Variants in VEPH1 observed in about 807,000 individuals in gnomAD.
VEPH1 encodes the protein ventricular zone expressed PH domain containing 1.
A neutral mutation model predicts 85.2 loss-of-function variants in VEPH1; 80 were observed. The observed-to-expected ratio is 0.94, with a 90% CI of 0.78 to 1.13. The LOEUF is 1.13. Ranked by LOEUF, VEPH1 falls within the 50% of genes most tolerant of loss-of-function variation. The pLI, the probability that VEPH1 is intolerant of heterozygous loss-of-function variation, is 0.00. For synonymous variants in VEPH1, 297 were observed against 348.0 expected (o/e 0.85, Z 1.63); for missense variants, 955 against 980.5 (o/e 0.97, Z 0.35).
In VEPH1 at chr3:157,261,008, G is replaced by A; in HGVS notation, c.*126C>T. ...CCATTTTAGGCCCTTCTTCTTAAAG[G>A]ACAACAATTCCATTGGTATTTAGTA... is the stretch of plus-strand genomic sequence containing the variant. On this transcript the variant is annotated 3_prime_UTR_variant, in exon 14 of 14. Transcript: ENST00000362010. 2.2e-6 allele frequency: 3 copies of A among 1,349,072 alleles called. No homozygotes were observed. The highest frequency in any genetic ancestry group is 1.4e-5 in the South Asian group (1 of 70,692). 83.6% of individuals were successfully genotyped at this position (1,349,072 alleles called of 1,614,324 possible). A position where few individuals can be genotyped will look rare whatever the true frequency, so the allele number is the denominator to read the frequency against.
chr3:157,446,200 A>C (rs1256791316), intron 4 of VEPH1, among the ~76,000 whole-genome samples: 1 of 151,582 alleles, frequency 6.6e-6, no homozygotes, highest in Non-Finnish European at 1.5e-5. Flanking sequence ...ATACATATAA[A>C]TAATATTATT....
intron 6 of VEPH1, among the ~76,000 whole-genome samples, chr3:157,387,958 A>G (rs745558234): frequency 2.6e-5 from 4 of 152,176 alleles, no homozygotes; most frequent in Non-Finnish European, 5.9e-5. Flanking sequence ...TTGGCCCTAT[A>G]ATCCACATTT....
chr3:157,355,711 T>C (rs922434964), intron 9 of VEPH1, among the ~76,000 whole-genome samples: 8 of 152,182 alleles, frequency 5.3e-5, no homozygotes, highest in African/African-American at 1.4e-4. Flanking sequence ...ACTACAGGGT[T>C]TTATATGAGA....
intron 5 of VEPH1, among the ~76,000 whole-genome samples, chr3:157,419,502 G>T (rs1418372752): frequency 6.6e-6 from 1 of 152,108 alleles, no homozygotes. Context: ...CCATTAAGAA[G>T]TGGGCAAAGA....
chr3:157,436,081 A>C (rs1424566602), intron 4 of VEPH1, among the ~76,000 whole-genome samples: 1 of 152,182 alleles, frequency 6.6e-6, no homozygotes, highest in Non-Finnish European at 1.5e-5. Context: ...GTTCGAGACC[A>C]GCCTGGCTAA....
At chr3:157,328,986 C>T (rs1313024044) in intron 9 of VEPH1, among the ~76,000 whole-genome samples, 2 of 152,146 alleles carry the variant, frequency 1.3e-5, no homozygotes, top group Non-Finnish European at 2.9e-5. Context: ...CAAATCTAGA[C>T]TGTTTGACTC....
chr3:157,487,387 A>G (rs953711524), intron 2 of VEPH1, among the ~76,000 whole-genome samples: 1 of 152,144 alleles, frequency 6.6e-6, no homozygotes, highest in Non-Finnish European at 1.5e-5. Context: ...AAAGTGACTG[A>G]AGCAAAATTC....
At chr3:157,424,874 G>A (rs1029161500) in intron 5 of VEPH1, among the ~76,000 whole-genome samples, 1 of 152,218 alleles carries the variant, frequency 6.6e-6, no homozygotes, top group East Asian at 1.9e-4. Flanking sequence ...CCCATTTTCT[G>A]AGGAGAAATT....
chr3:157,336,192 T>C (rs1348788662), intron 9 of VEPH1, among the ~76,000 whole-genome samples: 1 of 152,250 alleles, frequency 6.6e-6, no homozygotes, highest in Non-Finnish European at 1.5e-5. Context: ...AATGTTAAAC[T>C]GCTAGTTATT....
At chr3:157,459,853 A>T in intron 4 of VEPH1, 1 of 1,536,274 alleles carries the variant, frequency 6.5e-7, no homozygotes, top group East Asian at 2.4e-5. Context: ...TGTTCCACTC[A>T]GTACACAGAG....
At chr3:157,404,015 C>T (rs571849362) in intron 6 of VEPH1, among the ~76,000 whole-genome samples, 1 of 152,192 alleles carries the variant, frequency 6.6e-6, no homozygotes, top group South Asian at 2.1e-4. Context: ...CTTTGGGGAC[C>T]ACATGGGATG....
rs1713445790 is a variant in VEPH1, at chr3:157,265,096, A to C, written c.2265+430T>G. Among the ~76,000 whole-genome samples the C allele has an allele frequency of 2.0e-5, 3 of 152,324 alleles. No homozygotes were observed. The South Asian group carries it at 6.2e-4, about 32-fold the overall frequency. On this transcript the variant is annotated intron_variant, in intron 13 of 13. Transcript: ENST00000362010. ...TCAGAATTAAACTTTGTTGACTATA[A>C]AAAGTACCTAAAGTAAATCAGCCTT... is the stretch of plus-strand genomic sequence containing the variant.
chr3:157,295,007 C>T (rs550468943), intron 11 of VEPH1, among the ~76,000 whole-genome samples: 7 of 152,082 alleles, frequency 4.6e-5, no homozygotes, highest in Non-Finnish European at 8.8e-5. Flanking sequence ...AGACCCCTTC[C>T]CAATGAGCAA....
At chr3:157,466,580 CAGG>C (rs1736397868) in intron 3 of VEPH1, among the ~76,000 whole-genome samples, 1 of 152,174 alleles carries the variant, frequency 6.6e-6, no homozygotes, top group Admixed American at 6.5e-5. Flanking sequence ...TAGTCCCGAG[CAGG>C]AGGTGTTGTT....
intron 9 of VEPH1, among the ~76,000 whole-genome samples, chr3:157,324,114 G>A (rs1276226070): frequency 6.6e-6 from 1 of 152,104 alleles, no homozygotes; most frequent in Non-Finnish European, 1.5e-5. Context: ...GAGTACAGTG[G>A]TGCAATCTGA....
chr3:157,351,936 A>C (rs1724911078), intron 9 of VEPH1, among the ~76,000 whole-genome samples: 1 of 152,242 alleles, frequency 6.6e-6, no homozygotes, highest in Non-Finnish European at 1.5e-5. Flanking sequence ...ACAATGAAAA[A>C]TGTCCCTAGA....
chr3:157,312,529 T>C (rs1055033663), intron 11 of VEPH1, among the ~76,000 whole-genome samples: 1 of 152,208 alleles, frequency 6.6e-6, no homozygotes, highest in Non-Finnish European at 1.5e-5. Flanking sequence ...ATTTGAAATA[T>C]GTAAACCAGA....
At chr3:157,501,479 A>G (rs755781536) in intron 1 of VEPH1, among the ~76,000 whole-genome samples, 1 of 152,176 alleles carries the variant, frequency 6.6e-6, no homozygotes, top group Non-Finnish European at 1.5e-5. Context: ...TTTATTAGTG[A>G]GAAAGGAGTG....
intron 6 of VEPH1, among the ~76,000 whole-genome samples, chr3:157,385,575 C>A (rs1729206758): frequency 2.0e-5 from 3 of 152,082 alleles, no homozygotes; most frequent in African/African-American, 7.2e-5. Context: ...ACTGGCATTC[C>A]TCTATATTTT....
Sources: allele counts gnomAD v4.1 joint callset (sites outside exome capture counted in the v4.1 genomes callset), GRCh38; gene constraint gnomAD v4.1.1; transcripts MANE v1.5; gene names NCBI Gene and HGNC (gene_info 2026-07-23, HGNC 2026-07-21).